Variants in GPX4 observed in about 807,000 individuals in gnomAD.
GPX4 encodes the protein phospholipid hydroperoxide glutathione peroxidase GPX4.
Under a neutral mutation model 27.8 loss-of-function variants are expected in GPX4, and 28 were observed. That is an observed-to-expected ratio of 1.01 (90% CI 0.75 to 1.38). The LOEUF (loss-of-function observed/expected upper bound fraction) is 1.38. Ranked by LOEUF, GPX4 falls within the 40% of genes most tolerant of loss-of-function variation. The pLI, the probability that GPX4 is intolerant of heterozygous loss-of-function variation, is 0.00. For missense variants in GPX4, 357 were observed against 274.1 expected (o/e 1.30, Z -2.14); for synonymous variants, 163 against 107.8 (o/e 1.51, Z -3.17).
intron 1 of GPX4, chr19:1,104,921 C>A (rs2079629676): frequency 6.9e-7 from 1 of 1,446,844 alleles, no homozygotes; most frequent in Non-Finnish European, 9.2e-7. Context: ...TCCCAAGTCC[C>A]AGGACCCGGT....
At position 1,106,695 on chromosome 19, in the gene GPX4, C is replaced by G. The variant is rs778354676; in HGVS notation, c.*123C>G. ...AGACCCGAAAATCCAGCGTGCACCC[C>G]GCCGGAGGAAGGTCCCATGGCCTGC... is the stretch of plus-strand genomic sequence containing the variant. On this transcript the variant is annotated 3_prime_UTR_variant, in exon 7 of 7. Coordinates refer to ENST00000354171, the MANE Select transcript of GPX4 (RefSeq NM_002085.5). 13 of 1,349,148 alleles carry G rather than the reference C, an allele frequency of 9.6e-6. No individual in the cohort carries two copies. Among genetic ancestry groups the G allele is most frequent in the Non-Finnish European group, 1.3e-5 (13 of 982,276 alleles). The allele number at this position is 1,349,148 out of a possible 1,614,324, so 83.6% of individuals were successfully genotyped here.
chr19:1,106,420 C>T lies in GPX4; in HGVS notation c.522C>T (p.Gly174=), dbSNP rs763436287. Residue 174 remains glycine (G), a synonymous_variant, in exon 6 of 7, where the codon GGC becomes GGT. Coordinates refer to ENST00000354171, the MANE Select transcript of GPX4 (RefSeq NM_002085.5). ...CACAGTTCCTCATCGACAAGAACGG[C>T]TGCGTGGTGAAGCGCTACGGACCCA... The part of the protein sequence containing the change: ...NFTKFLIDKN[G]CVVKRYGPME... 4.3e-6 allele frequency: 7 copies of T among 1,613,432 alleles called. No individual in the cohort carries two copies. The South Asian group carries it at 7.7e-5, about 18-fold the overall frequency.
chr19:1,104,735 A>T, intron 1 of GPX4: 3 of 984,960 alleles, frequency 3.0e-6, no homozygotes, highest in Non-Finnish European at 3.6e-6. Flanking sequence ...ACGGGCGGGT[A>T]TGGGCCGCGC....
At chr19:1,105,843 G>C (rs2079645055) in intron 4 of GPX4, 34 bp downstream of exon 4, 1 of 1,034,242 alleles carries the variant, frequency 9.7e-7, no homozygotes, top group South Asian at 1.6e-5. Flanking sequence ...CGGCTGCTGG[G>C]GTGGGGGTGG....
At chr19:1,104,890 G>T in intron 1 of GPX4, 1 of 1,333,034 alleles carries the variant, frequency 7.5e-7, no homozygotes, top group South Asian at 1.7e-5. Flanking sequence ...CCCGCAGCTT[G>T]CGACCGGAGA....
intron 5 of GPX4, 22 bp downstream of exon 5, chr19:1,106,288 G>A (rs1439156155): frequency 1.9e-6 from 3 of 1,605,628 alleles, no homozygotes; most frequent in Non-Finnish European, 2.6e-6. Flanking sequence ...GTGGGGGGTA[G>A]GGGACCAGCT....
intron 4 of GPX4, 129 bp from the exon 5 acceptor site, chr19:1,106,113 G>T (rs904429471): frequency 9.2e-6 from 8 of 869,370 alleles, no homozygotes; most frequent in South Asian, 1.7e-5. Flanking sequence ...GCTCTGGGGG[G>T]GCTTGGGGGC....
chr19:1,104,672 C>A, intron 1 of GPX4: 1 of 984,688 alleles, frequency 1.0e-6, no homozygotes, highest in Non-Finnish European at 1.2e-6. Context: ...GGCCTCCGGG[C>A]CCTTTGTCCC....
intron 1 of GPX4, chr19:1,104,942 C>A (rs748578422): frequency 1.2e-5 from 17 of 1,467,112 alleles, no homozygotes; most frequent in Non-Finnish European, 1.4e-5. Context: ...GCGCGCGGGG[C>A]CCCCACACCG....
chr19:1,104,108 C>T lies in GPX4; in HGVS notation c.65C>T (p.Pro22Leu). ...CTGCTCTGTGGGGCTCTGGCCGCGC[C>T]TGGCCTGGCCGGGACCATGGTGAGC... ...PALLCGALAA[P>L]GLAGTMCASR... Residue 22 changes from proline to leucine, a missense_variant, in exon 1 of 7, where the codon CCT (proline) becomes CTT (leucine). Coordinates refer to ENST00000354171, the MANE Select transcript of GPX4 (RefSeq NM_002085.5). The T allele has an allele frequency of 6.6e-7, 1 of 1,504,364 alleles. No individual in the cohort carries two copies. 93.2% of individuals were successfully genotyped at this position (1,504,364 alleles called of 1,614,324 possible).
intron 1 of GPX4, 58 bp from the exon 2 acceptor site, chr19:1,105,128 A>G (rs2079631776): frequency 3.8e-6 from 6 of 1,590,960 alleles, no homozygotes; most frequent in African/African-American, 2.7e-5. Flanking sequence ...TTCCTGCCTC[A>G]GGGTCCCGGG....
chr19:1,105,732 C>G lies in GPX4; in HGVS notation c.399C>G (p.Ile133Met). 6.2e-7 allele frequency: 1 copy of G among 1,606,622 alleles called. No individual in the cohort carries two copies. Residue 133 changes from isoleucine to methionine, a missense_variant, in exon 4 of 7, where the codon ATC (isoleucine) becomes ATG (methionine). Physicochemically the swap from Ile to Met is conservative, Grantham distance 10. Transcript: ENST00000354171. ...YNVKFDMFSK[I>M]CVNGDDAHPL... ...TCAAATTCGATATGTTCAGCAAGAT[C>G]TGCGTGAACGGGGACGACGCCCACC...
At chr19:1,106,147 G>A in intron 4 of GPX4, 95 bp from the exon 5 acceptor site, 1 of 1,213,904 alleles carries the variant, frequency 8.2e-7, no homozygotes, top group Non-Finnish European at 1.2e-6. Flanking sequence ...AGGCAGCCGG[G>A]GAAGCTCACA....
rs13343462 is a variant in GPX4 at position 1,106,045 on chromosome 19, G to A, written c.477-197G>A. 178 of 689,004 alleles carry A rather than the reference G, an allele frequency of 2.6e-4. 1 individual carries two copies. Among genetic ancestry groups the A allele is most frequent in the African/African-American group, 2.5e-3 (140 of 55,010 alleles). The allele number at this position is 689,004 out of a possible 1,614,324, so 42.7% of individuals were successfully genotyped here. On this transcript the variant is annotated intron_variant, in intron 4 of 6. Coordinates refer to ENST00000354171, the MANE Select transcript of GPX4 (RefSeq NM_002085.5). ...TGGCCTCCTGGGGACAGGATGGCTC[G>A]GGGGCCTGTGGGGGGCTGTTGGGAC...
In GPX4 at chr19:1,104,753, G is replaced by A. The variant is rs1287698936; in HGVS notation, c.85-433G>A. 1.9e-5 allele frequency: 19 copies of A among 986,106 alleles called. No individual in the cohort carries two copies. Among genetic ancestry groups the A allele is most frequent in the Non-Finnish European group, 2.3e-5 (19 of 830,210 alleles). 61.1% of individuals were successfully genotyped at this position (986,106 alleles called of 1,614,324 possible). On this transcript the variant is annotated intron_variant, in intron 1 of 6. Coordinates refer to ENST00000354171, the MANE Select transcript of GPX4 (RefSeq NM_002085.5). Reference sequence around the variant, plus strand: ...GGCGGGTATGGGCCGCGCGGGCGCAGGCTCCCCCGGGCGCCGCAGGCAGCG... The same window carrying A: ...GGCGGGTATGGGCCGCGCGGGCGCAAGCTCCCCCGGGCGCCGCAGGCAGCG...
chr19:1,104,465 C>T (rs2046966877), intron 1 of GPX4: 2 of 315,700 alleles, frequency 6.3e-6, no homozygotes, highest in Admixed American at 6.0e-5. Context: ...TTGCAGGGGG[C>T]GGGGTCCGGG....
intron 6 of GPX4, 39 bp downstream of exon 6, chr19:1,106,498 C>T (rs756296662): frequency 6.8e-6 from 11 of 1,611,160 alleles, no homozygotes; most frequent in Admixed American, 1.7e-5. Context: ...GGCTCGGGGG[C>T]TTGGGAGGTA....
Position 1,104,071 on chromosome 19 carries a change from C to T in GPX4, c.28C>T (p.Leu10=). 1.3e-6 allele frequency: 2 copies of T among 1,519,732 alleles called. No individual in the cohort carries two copies. Among genetic ancestry groups the T allele is most frequent in the Non-Finnish European group, 1.8e-6 (2 of 1,140,258 alleles). 94.1% of individuals were successfully genotyped at this position (1,519,732 alleles called of 1,614,324 possible). A position where few individuals can be genotyped will look rare whatever the true frequency, so the allele number is the denominator to read the frequency against. Residue 10 remains leucine (L), a synonymous_variant, in exon 1 of 7, where the codon CTG becomes TTG. Transcript: ENST00000354171. The stretch of plus-strand genomic sequence containing the variant: ...GAGCCTCGGCCGCCTTTGCCGCCTA[C>T]TGAAGCCGGCGCTGCTCTGTGGGGC... The part of the protein sequence containing the change: MSLGRLCRL[L]KPALLCGALA...
rs1217311073 is a variant in GPX4, at chr19:1,104,733, G to T, written c.85-453G>T. The T allele has an allele frequency of 5.1e-6, 5 of 985,428 alleles. No homozygotes were observed. In the African/African-American group the frequency reaches 8.8e-5, roughly 17 times the overall value. The allele number at this position is 985,428 out of a possible 1,614,324, so 61.0% of individuals were successfully genotyped here. ...GCCAGGAGGGGCGGGAGACGGGCGG[G>T]TATGGGCCGCGCGGGCGCAGGCTCC... On this transcript the variant is annotated intron_variant, in intron 1 of 6. Coordinates refer to ENST00000354171, the MANE Select transcript of GPX4 (RefSeq NM_002085.5).
Sources: gnomAD v4.1 joint callset for allele counts on GRCh38, gnomAD v4.1.1 for gene constraint, MANE v1.5 for transcripts, NCBI Gene and HGNC (gene_info 2026-07-23, HGNC 2026-07-21) for gene names.